Variants in MRPL37 observed in about 807,000 individuals in gnomAD.
MRPL37 encodes the protein large ribosomal subunit protein mL37.
MRPL37 carries 34 observed loss-of-function variants against 44.1 expected under a neutral mutation model. The observed-to-expected ratio is 0.77, with a 90% CI of 0.59 to 1.03. MRPL37 has a LOEUF of 1.03. Ranked by LOEUF, MRPL37 falls within the 50% of genes least tolerant of loss-of-function variation. The pLI, the probability that MRPL37 is intolerant of heterozygous loss-of-function variation, is 0.00. For missense variants in MRPL37, 532 were observed against 543.7 expected, an observed-to-expected ratio of 0.98 and a Z score of 0.21; for synonymous variants, 212 against 219.5, an observed-to-expected ratio of 0.97 and a Z score of 0.30.
intron 3 of MRPL37, 54 bp downstream of exon 3, chr1:54,205,464 T>C (rs1644115074): frequency 1.4e-6 from 2 of 1,434,510 alleles, no homozygotes; most frequent in Admixed American, 1.7e-5. Context: ...GCCTTTCTAC[T>C]CTTAACCCCA....
downstream of MRPL37, chr1:54,225,461 C>CT: frequency 8.3e-7 from 1 of 1,205,456 alleles, no homozygotes; most frequent in Non-Finnish European, 1.0e-6. Context: ...TTTAATAAAA[C>CT]GTTATCAACA....
downstream of MRPL37, among the ~76,000 whole-genome samples, chr1:54,222,793 C>CAA (rs1435433367): frequency 6.6e-6 from 1 of 152,214 alleles, no homozygotes; most frequent in African/African-American, 2.4e-5. Context: ...TACTGGATAT[C>CAA]AAATCAGCAT....
chr1:54,224,735 G>C (rs573928622), downstream of MRPL37, among the ~76,000 whole-genome samples: 262 of 151,692 alleles, frequency 1.7e-3, no homozygotes, highest in Non-Finnish European at 1.5e-3. Context: ...TTCTAGTCGT[G>C]CAAGTCAGCA....
At chr1:54,204,039 A>C (rs1043986872) in intron 1 of MRPL37, among the ~76,000 whole-genome samples, 1 of 152,068 alleles carries the variant, frequency 6.6e-6, no homozygotes, top group African/African-American at 2.4e-5. Flanking sequence ...ATGTTTGTTG[A>C]CCTCTGGTAT....
chr1:54,220,103 G>A (rs375316167), downstream of MRPL37, among the ~76,000 whole-genome samples: 37 of 152,270 alleles, frequency 2.4e-4, no homozygotes, highest in East Asian at 3.9e-3. Flanking sequence ...TACAGAGGAG[G>A]AGCTGGTGGG....
rs763243378 is a variant in MRPL37 at position 54,212,566 on chromosome 1, C to A, written c.898C>A (p.Arg300=). The A allele has an allele frequency of 2.5e-6, 4 of 1,614,212 alleles. No individual in the cohort carries two copies. The highest frequency in any genetic ancestry group is 3.4e-6 in the Non-Finnish European group (4 of 1,180,024). ...GTACTTACTGGACAAAGCCAATTTA[C>A]GACCACACCGCCTTCAACCAGATCA... ...TLYLLDKANL[R]PHRLQPDQLR... The change falls in exon 5 of 7, where the codon CGA becomes AGA. Residue 300 remains arginine, a synonymous_variant. Transcript: ENST00000360840.
At chr1:54,222,236 G>A (rs1200194307), downstream of MRPL37, among the ~76,000 whole-genome samples, 5 of 152,206 alleles carry the variant, frequency 3.3e-5, no homozygotes, top group Non-Finnish European at 5.9e-5. Flanking sequence ...ACTGAACCAG[G>A]CTGTGGGGAC....
At chr1:54,218,547 G>A (rs1187967355), downstream of MRPL37, among the ~76,000 whole-genome samples, 1 of 152,162 alleles carries the variant, frequency 6.6e-6, no homozygotes, top group Non-Finnish European at 1.5e-5. Flanking sequence ...CTGAAACCTG[G>A]GGCTAATGTG....
At chr1:54,216,879 A>C (rs1289713580) in intron 6 of MRPL37, among the ~76,000 whole-genome samples, 1 of 151,624 alleles carries the variant, frequency 6.6e-6, no homozygotes, top group Non-Finnish European at 1.5e-5. Context: ...TCCTCCACCA[A>C]ACAGAACTCC....
intron 4 of MRPL37, among the ~76,000 whole-genome samples, chr1:54,211,736 G>A (rs1644167013): frequency 6.6e-6 from 1 of 152,148 alleles, no homozygotes; most frequent in African/African-American, 2.4e-5. Context: ...CAGGCGATCT[G>A]CTTGCCTCAG....
In MRPL37 at chr1:54,210,229, C is replaced by T. The variant is rs1050711154; in HGVS notation, c.832+98C>T. On this transcript the variant is annotated intron_variant, in intron 4 of 6. Transcript: ENST00000360840. ...TACTAAGAACTTGCTAGGTGCTAGG[C>T]ACCTCGTGTGTATTACCTATCTCCT... is the stretch of plus-strand genomic sequence containing the variant. The T allele has an allele frequency of 2.5e-6, 3 of 1,220,956 alleles. No individual in the cohort carries two copies. The African/African-American group carries it at 4.5e-5, about 18-fold the overall frequency. The allele number at this position is 1,220,956 out of a possible 1,614,324, so 75.6% of individuals were successfully genotyped here. A position where few individuals can be genotyped will look rare whatever the true frequency, so the allele number is the denominator to read the frequency against.
chr1:54,218,830 A>G (rs572233523), downstream of MRPL37, among the ~76,000 whole-genome samples: 6 of 152,368 alleles, frequency 3.9e-5, no homozygotes, highest in East Asian at 1.9e-4. Context: ...CACCTGATAC[A>G]TAGCATATTT....
chr1:54,216,234 A>C lies in MRPL37; in HGVS notation c.1084A>C (p.Thr362Pro). 6.2e-7 allele frequency: 1 copy of C among 1,614,204 alleles called. No homozygotes were observed. The change falls in exon 6 of 7, where the codon ACA becomes CCA. Residue 362 changes from threonine (T) to proline (P), a missense_variant. By Grantham distance (38) the Thr-to-Pro change is conservative. Transcript: ENST00000360840. The part of the protein sequence containing the change: ...FHFLVFQLNT[T>P]DLDCNEGVKN... ...TTTCCTAGTGTTTCAACTGAATACC[A>C]CAGACCTGGACTGTAACGAGGGTGT...
At chr1:54,216,949 G>C (rs899057260) in intron 6 of MRPL37, among the ~76,000 whole-genome samples, 16 of 152,074 alleles carry the variant, frequency 1.1e-4, no homozygotes, top group African/African-American at 3.9e-4. Context: ...CCACAGATAC[G>C]GAGTTCCTCC....
At chr1:54,209,141 C>T (rs1032767400) in intron 3 of MRPL37, among the ~76,000 whole-genome samples, 1 of 152,208 alleles carries the variant, frequency 6.6e-6, no homozygotes, top group Non-Finnish European at 1.5e-5. Flanking sequence ...GCACTCACTA[C>T]CTGGTGGGCT....
chr1:54,225,166 G>A (rs1468225791), downstream of MRPL37: 3 of 1,234,236 alleles, frequency 2.4e-6, no homozygotes, highest in African/African-American at 4.7e-5. Flanking sequence ...GTGTTTGCAA[G>A]ACAAGAAATG....
At chr1:54,200,737 A>G in intron 1 of MRPL37, 148 bp downstream of exon 1, 1 of 909,962 alleles carries the variant, frequency 1.1e-6, no homozygotes, top group South Asian at 1.8e-5. Flanking sequence ...CCGTCTTCTG[A>G]GGGTTGTTAG....
Position 54,218,351 on chromosome 1 carries a change from G to T in MRPL37, c.*102G>T. On this transcript the variant is annotated 3_prime_UTR_variant, in exon 7 of 7. Transcript: ENST00000360840. ...AGTGCCCGTTTGGCCTGCTGCTCTCGCTGACAATAAAGAGCCCTTGCGTTG... is the reference window on the plus strand; with the variant it reads ...AGTGCCCGTTTGGCCTGCTGCTCTCTCTGACAATAAAGAGCCCTTGCGTTG... The T allele has an allele frequency of 6.3e-7, 1 of 1,590,142 alleles. No individual in the cohort carries two copies. The highest frequency in any genetic ancestry group is 8.5e-7 in the Non-Finnish European group (1 of 1,171,502).
intron 3 of MRPL37, among the ~76,000 whole-genome samples, chr1:54,206,355 G>A (rs1570141673): frequency 6.6e-6 from 1 of 151,404 alleles, no homozygotes; most frequent in Non-Finnish European, 1.5e-5. Flanking sequence ...CTCCTGATCC[G>A]CCTGCCTCGG....
Sources: gnomAD v4.1 joint callset for allele counts (sites outside exome capture counted in the v4.1 genomes callset) on GRCh38, gnomAD v4.1.1 for gene constraint, MANE v1.5 for transcripts, NCBI Gene and HGNC (gene_info 2026-07-23, HGNC 2026-07-21) for gene names.